The following ALK variants were observed in gnomAD, a reference collection of about 807,000 sequenced individuals.
The protein encoded by ALK is ALK receptor tyrosine kinase.
ALK carries 74 observed loss-of-function variants against 163.1 expected under a neutral mutation model. The observed-to-expected ratio is 0.45, with a 90% CI of 0.38 to 0.55. The LOEUF (loss-of-function observed/expected upper bound fraction) is 0.55. ALK is among the 20% of genes least tolerant of loss of function. The pLI is 0.00. For missense variants in ALK, 2,063 were observed against 2,105.3 expected (o/e 0.98, Z 0.39); for synonymous variants, 960 against 843.2 (o/e 1.14, Z -2.40).
chr2:29,531,765 A>G, intron 4 of ALK, 150 bp downstream of exon 4: 2 of 829,972 alleles, frequency 2.4e-6, no homozygotes, highest in Admixed American at 4.0e-5. Flanking sequence ...GACACTACCT[A>G]AGGGATATTA....
intron 3 of ALK, among the ~76,000 whole-genome samples, chr2:29,621,113 C>T (rs1008682878): frequency 1.1e-4 from 16 of 152,078 alleles, no homozygotes; most frequent in African/African-American, 3.6e-4. Context: ...GGGAGAGATT[C>T]ACAGGCAGAC....
At chr2:29,908,553 A>G (rs1453917335) in intron 1 of ALK, among the ~76,000 whole-genome samples, 1 of 152,242 alleles carries the variant, frequency 6.6e-6, no homozygotes, top group African/African-American at 2.4e-5. Flanking sequence ...AAAGGAAACC[A>G]TCATTCTCAG....
At chr2:29,647,606 G>A (rs1207693083) in intron 3 of ALK, among the ~76,000 whole-genome samples, 1 of 152,042 alleles carries the variant, frequency 6.6e-6, no homozygotes, top group South Asian at 2.1e-4. Flanking sequence ...CTGTGAAGAA[G>A]CGTCCGGAAT....
chr2:29,266,977 G>T (rs1030927430), intron 11 of ALK, among the ~76,000 whole-genome samples: 10 of 152,176 alleles, frequency 6.6e-5, no homozygotes, highest in African/African-American at 2.4e-4. Context: ...CTCCCTTTGA[G>T]TATAGGTGAG....
chr2:29,430,969 G>C (rs1670258186), intron 4 of ALK, among the ~76,000 whole-genome samples: 1 of 151,742 alleles, frequency 6.6e-6, no homozygotes, highest in Non-Finnish European at 1.5e-5. Flanking sequence ...TGAGGACAAA[G>C]AGGCTGCACT....
chr2:29,435,504 G>A (rs1042404104), intron 4 of ALK, among the ~76,000 whole-genome samples: 9 of 151,888 alleles, frequency 5.9e-5, no homozygotes, highest in East Asian at 1.9e-4. Context: ...TCATATCCAC[G>A]TTCTCATCTA....
At chr2:29,406,408 G>C (rs1179254124) in intron 4 of ALK, among the ~76,000 whole-genome samples, 2 of 152,158 alleles carry the variant, frequency 1.3e-5, no homozygotes, top group Non-Finnish European at 1.5e-5. Context: ...GAGAATCTAC[G>C]AGGCTATGAG....
At chr2:29,630,188 G>A (rs1558416459) in intron 3 of ALK, among the ~76,000 whole-genome samples, 2 of 152,130 alleles carry the variant, frequency 1.3e-5, no homozygotes, top group East Asian at 1.9e-4. Context: ...AACAACAGTC[G>A]TGGATGAATA....
chr2:29,612,370 G>C (rs536971666), intron 3 of ALK, among the ~76,000 whole-genome samples: 1 of 152,216 alleles, frequency 6.6e-6, no homozygotes, highest in Admixed American at 6.5e-5. Context: ...TCCCTGGTAG[G>C]TTGCATTTTA....
At chr2:29,292,586 A>G (rs1278228650) in intron 9 of ALK, among the ~76,000 whole-genome samples, 1 of 152,176 alleles carries the variant, frequency 6.6e-6, no homozygotes, top group East Asian at 1.9e-4. Context: ...AAGTAATGAG[A>G]TAATTTTTAA....
chr2:29,806,208 G>T (rs981465648), intron 1 of ALK, among the ~76,000 whole-genome samples: 23 of 152,308 alleles, frequency 1.5e-4, no homozygotes, highest in African/African-American at 5.1e-4. Flanking sequence ...AGGTCAGAGA[G>T]AGTTGAATGC....
intron 3 of ALK, among the ~76,000 whole-genome samples, chr2:29,554,599 T>C (rs1347214496): frequency 6.6e-6 from 1 of 152,186 alleles, no homozygotes; most frequent in South Asian, 2.1e-4. Context: ...GATCTGGCAA[T>C]GTTGGGCCTA....
At chr2:29,827,803 T>C (rs932585358) in intron 1 of ALK, among the ~76,000 whole-genome samples, 5 of 152,176 alleles carry the variant, frequency 3.3e-5, no homozygotes, top group Non-Finnish European at 5.9e-5. Context: ...CTTCAAAGAA[T>C]TGGAAAAAAC....
At chr2:29,588,938 T>G (rs1674968697) in intron 3 of ALK, among the ~76,000 whole-genome samples, 1 of 152,222 alleles carries the variant, frequency 6.6e-6, no homozygotes, top group Admixed American at 6.5e-5. Flanking sequence ...CTGAATGCAT[T>G]GGGTACTGGT....
chr2:29,906,983 T>C (rs1370814976), intron 1 of ALK: 1 of 144,984 alleles, frequency 6.9e-6, no homozygotes, highest in Non-Finnish European at 1.5e-5. Flanking sequence ...AGAATCTTGC[T>C]CTGTCGCCCA....
intron 5 of ALK, among the ~76,000 whole-genome samples, chr2:29,370,408 G>C (rs888502845): frequency 6.6e-6 from 1 of 152,186 alleles, no homozygotes; most frequent in Non-Finnish European, 1.5e-5. Flanking sequence ...CTTACAGACA[G>C]CCTAGGATGG....
chr2:29,836,425 A>G (rs1026798868), intron 1 of ALK, among the ~76,000 whole-genome samples: 3 of 152,104 alleles, frequency 2.0e-5, no homozygotes, highest in Admixed American at 6.5e-5. Context: ...CATTTTGAAC[A>G]CTGCTAGTCA....
intron 4 of ALK, among the ~76,000 whole-genome samples, chr2:29,431,401 C>T (rs1670269116): frequency 6.6e-6 from 1 of 152,150 alleles, no homozygotes; most frequent in Admixed American, 6.6e-5. Flanking sequence ...CTCTTGACTC[C>T]TGTAGCCAAC....
chr2:29,724,801 C>T (rs776122638), intron 1 of ALK, among the ~76,000 whole-genome samples: 8 of 152,058 alleles, frequency 5.3e-5, no homozygotes, highest in African/African-American at 9.7e-5. Context: ...GTGTCAAGGG[C>T]GGAATTTGGA....
Sources: gnomAD v4.1 joint callset for allele counts (sites outside exome capture counted in the v4.1 genomes callset) on GRCh38, gnomAD v4.1.1 for gene constraint, MANE v1.5 for transcripts, NCBI Gene and HGNC (gene_info 2026-07-23, HGNC 2026-07-21) for gene names.